UNC5D: variants seen among roughly 807,000 people sequenced by gnomAD.
UNC5D encodes netrin receptor UNC5D.
UNC5D carries 39 observed loss-of-function variants against 105.4 expected under a neutral mutation model. The ratio of observed to expected loss-of-function variants is 0.37; its 90% CI spans 0.29 to 0.48. The LOEUF is 0.48. UNC5D is among the 20% of genes least tolerant of loss of function. The probability of loss-of-function intolerance (pLI) is 0.98; values close to 1 mark genes in which losing one functional copy is unlikely to be tolerated. For synonymous variants in UNC5D, 452 were observed against 450.4 expected, an observed-to-expected ratio of 1.00 and a Z score of -0.04; for missense variants, 991 against 1,202.4, an observed-to-expected ratio of 0.82 and a Z score of 2.60.
At chr8:35,472,663 G>A (rs1349335603) in intron 1 of UNC5D, among the ~76,000 whole-genome samples, 4 of 152,296 alleles carry the variant, frequency 2.6e-5, no homozygotes, top group African/African-American at 7.2e-5. Context: ...GAAAATTAAA[G>A]CGAGAAAATA....
At chr8:35,594,879 A>G (rs1002907342) in intron 3 of UNC5D, among the ~76,000 whole-genome samples, 1 of 152,196 alleles carries the variant, frequency 6.6e-6, no homozygotes, top group Non-Finnish European at 1.5e-5. Context: ...TCCATGTGTA[A>G]AAGGTTAATA....
intron 4 of UNC5D, among the ~76,000 whole-genome samples, chr8:35,629,581 C>T (rs1234727424): frequency 5.9e-5 from 9 of 151,954 alleles, no homozygotes; most frequent in Admixed American, 5.2e-4. Flanking sequence ...GAAAAATAAT[C>T]GATTCGGTGC....
intron 7 of UNC5D, among the ~76,000 whole-genome samples, chr8:35,697,631 T>C (rs182338617): frequency 6.6e-6 from 1 of 152,270 alleles, no homozygotes; most frequent in Admixed American, 6.5e-5. Context: ...TTGTAATATT[T>C]GTGATTGCAA....
intron 1 of UNC5D, among the ~76,000 whole-genome samples, chr8:35,250,797 C>CCAGTAGT (rs1444049931): frequency 6.6e-6 from 1 of 151,888 alleles, no homozygotes; most frequent in Admixed American, 6.6e-5. Context: ...GCTCCTGGCC[C>CCAGTAGT]CAGTAGTTGC....
At chr8:35,675,055 ATATT>A (rs1370506103) in intron 4 of UNC5D, among the ~76,000 whole-genome samples, 2 of 152,308 alleles carry the variant, frequency 1.3e-5, no homozygotes, top group East Asian at 1.9e-4. Flanking sequence ...TGTGAAAAAA[ATATT>A]TATTACTCTA....
intron 1 of UNC5D, among the ~76,000 whole-genome samples, chr8:35,296,304 A>G (rs1339753143): frequency 6.6e-6 from 1 of 152,070 alleles, no homozygotes; most frequent in Non-Finnish European, 1.5e-5. Context: ...TTTTCTCTCC[A>G]TCCTTTGACA....
intron 7 of UNC5D, among the ~76,000 whole-genome samples, chr8:35,692,885 T>C (rs1826505541): frequency 6.6e-6 from 1 of 152,240 alleles, no homozygotes; most frequent in Admixed American, 6.5e-5. Context: ...TAGCTTGCCT[T>C]TCTGCATAAC....
At chr8:35,750,517 G>A (rs368954268) in intron 12 of UNC5D, 65 bp from the exon 13 acceptor site, 3 of 1,497,876 alleles carry the variant, frequency 2.0e-6, no homozygotes, top group African/African-American at 1.4e-5. Flanking sequence ...TTTGTGTCCT[G>A]GCAATATAAA....
chr8:35,719,299 A>G (rs1828438943), intron 8 of UNC5D, among the ~76,000 whole-genome samples: 1 of 152,182 alleles, frequency 6.6e-6, no homozygotes, highest in Non-Finnish European at 1.5e-5. Flanking sequence ...ACACACAGAA[A>G]TCTTTACAAA....
rs768683952 is a variant in UNC5D at position 35,686,607 on chromosome 8, C to T, written c.982C>T (p.Arg328Trp). The change falls in exon 7 of 17, where the codon CGG becomes TGG. Residue 328 changes from arginine (R) to tryptophan (W), a missense_variant. Physicochemically the swap from Arg to Trp is moderately radical, Grantham distance 101. Transcript: ENST00000404895. ...SVCSPECEHL[R>W]IRECTAPPPR... Reference sequence around the variant, plus strand: ...CTGCAGTCCAGAGTGTGAACATTTGCGGATCCGGGAGTGCACAGCACCACC... The same window carrying T: ...CTGCAGTCCAGAGTGTGAACATTTGTGGATCCGGGAGTGCACAGCACCACC... 1.9e-6 allele frequency: 3 copies of T among 1,607,064 alleles called. No individual in the cohort carries two copies. The highest frequency in any genetic ancestry group is 2.5e-6 in the Non-Finnish European group (3 of 1,178,038).
chr8:35,673,433 T>C (rs1456583524), intron 4 of UNC5D, among the ~76,000 whole-genome samples: 1 of 152,178 alleles, frequency 6.6e-6, no homozygotes, highest in Non-Finnish European at 1.5e-5. Context: ...AGAGTAGCCT[T>C]TCACATAGTC....
At chr8:35,491,015 T>TA (rs1811180951) in intron 1 of UNC5D, among the ~76,000 whole-genome samples, 1 of 152,136 alleles carries the variant, frequency 6.6e-6, no homozygotes, top group African/African-American at 2.4e-5. Flanking sequence ...ATTGAATTGG[T>TA]AAAAATTGGC....
At chr8:35,328,359 G>A (rs573568453) in intron 1 of UNC5D, among the ~76,000 whole-genome samples, 2 of 152,102 alleles carry the variant, frequency 1.3e-5, no homozygotes, top group East Asian at 1.9e-4. Flanking sequence ...TTCCTCCATG[G>A]GAAGTAAAGT....
At chr8:35,491,866 T>C (rs957080976) in intron 1 of UNC5D, among the ~76,000 whole-genome samples, 6 of 152,208 alleles carry the variant, frequency 3.9e-5, no homozygotes, top group African/African-American at 1.4e-4. Context: ...ATATTAAATA[T>C]TATGCAATTA....
At chr8:35,545,882 T>C (rs1563521095) in intron 1 of UNC5D, among the ~76,000 whole-genome samples, 1 of 151,944 alleles carries the variant, frequency 6.6e-6, no homozygotes, top group African/African-American at 2.4e-5. Context: ...GAACGTTAAC[T>C]GATTCTTTTT....
chr8:35,373,056 G>A (rs1388256035), intron 1 of UNC5D, among the ~76,000 whole-genome samples: 1 of 152,122 alleles, frequency 6.6e-6, no homozygotes, highest in East Asian at 1.9e-4. Flanking sequence ...CCCCTCCGTG[G>A]TCTGCCCCAT....
chr8:35,248,969 TTA>T (rs1235859546), intron 1 of UNC5D, among the ~76,000 whole-genome samples: 9 of 90,068 alleles, frequency 1.0e-4, no homozygotes, highest in Admixed American at 1.9e-4. Flanking sequence ...ATAATATATA[TTA>T]TATATTTTTA....
At chr8:35,501,269 G>A (rs1811950835) in intron 1 of UNC5D, among the ~76,000 whole-genome samples, 1 of 152,222 alleles carries the variant, frequency 6.6e-6, no homozygotes, top group Non-Finnish European at 1.5e-5. Context: ...ACTTCCAGGT[G>A]CTGCCTGACC....
At chr8:35,294,230 C>T (rs1807295339) in intron 1 of UNC5D, among the ~76,000 whole-genome samples, 1 of 152,178 alleles carries the variant, frequency 6.6e-6, no homozygotes, top group Non-Finnish European at 1.5e-5. Flanking sequence ...TAGCGTATGC[C>T]TCCTGCCTTA....
Sources: gnomAD v4.1 joint callset for allele counts (sites outside exome capture counted in the v4.1 genomes callset) on GRCh38, gnomAD v4.1.1 for gene constraint, MANE v1.5 for transcripts, NCBI Gene and HGNC (gene_info 2026-07-23, HGNC 2026-07-21) for gene names.